Variants in HAPLN1 observed in about 807,000 individuals in gnomAD.
HAPLN1 encodes Cartilage link protein.
HAPLN1 carries 13 observed loss-of-function variants against 36.5 expected under a neutral mutation model. The ratio of observed to expected loss-of-function variants is 0.36; its 90% CI spans 0.23 to 0.57. HAPLN1 has a LOEUF of 0.57. Ranked by LOEUF, HAPLN1 falls within the 20% of genes least tolerant of loss-of-function variation. The pLI, the probability that HAPLN1 is intolerant of heterozygous loss-of-function variation, is 0.83. For missense variants in HAPLN1, 407 were observed against 439.7 expected, an observed-to-expected ratio of 0.93 and a Z score of 0.66; for synonymous variants, 202 against 169.8, an observed-to-expected ratio of 1.19 and a Z score of -1.48.
chr5:83,663,337 C>T (rs1161162275), intron 2 of HAPLN1, among the ~76,000 whole-genome samples: 2 of 152,136 alleles, frequency 1.3e-5, no homozygotes. Context: ...AAAAGTAATT[C>T]CACACATCAG....
chr5:83,660,597 C>T (rs1580130271), intron 2 of HAPLN1, among the ~76,000 whole-genome samples: 1 of 152,116 alleles, frequency 6.6e-6, no homozygotes, highest in Non-Finnish European at 1.5e-5. Flanking sequence ...ATTCTGTCTC[C>T]TCTTAATTCT....
chr5:83,682,934 C>G (rs182349339), intron 1 of HAPLN1, among the ~76,000 whole-genome samples: 4 of 152,152 alleles, frequency 2.6e-5, no homozygotes, highest in Admixed American at 6.5e-5. Flanking sequence ...CCTGAAAACA[C>G]ATAAAATCAT....
At chr5:83,674,781 A>T (rs1750821977) in intron 1 of HAPLN1, 1 of 152,294 alleles carries the variant, frequency 6.6e-6, no homozygotes, top group Admixed American at 6.5e-5. Flanking sequence ...TCCTTGTAGG[A>T]GAGCCTCTAC....
chr5:83,681,694 A>G (rs1751004835), intron 1 of HAPLN1, among the ~76,000 whole-genome samples: 1 of 152,102 alleles, frequency 6.6e-6, no homozygotes, highest in Non-Finnish European at 1.5e-5. Flanking sequence ...GACTTTTTGT[A>G]GAGAGGAGGT....
At chr5:83,657,690 T>C (rs1447243627) in intron 2 of HAPLN1, among the ~76,000 whole-genome samples, 1 of 152,120 alleles carries the variant, frequency 6.6e-6, no homozygotes, top group African/African-American at 2.4e-5. Flanking sequence ...AGTTTGTCTT[T>C]TTAAAATGAA....
At chr5:83,643,224 C>T (rs1296554827) in intron 4 of HAPLN1, among the ~76,000 whole-genome samples, 4 of 151,744 alleles carry the variant, frequency 2.6e-5, no homozygotes, top group East Asian at 1.9e-4. Flanking sequence ...TGGCATGCAC[C>T]ATGGTCCCAG....
intron 1 of HAPLN1, among the ~76,000 whole-genome samples, chr5:83,697,588 G>A (rs1235285571): frequency 6.6e-6 from 1 of 152,134 alleles, no homozygotes; most frequent in East Asian, 1.9e-4. Context: ...TATATGTTGA[G>A]CTCTTTGAGA....
rs1749607335 is a variant in HAPLN1 at position 83,639,158 on chromosome 5, C to A, written c.*2338G>T. 1 of 151,826 alleles carries A rather than the reference C, an allele frequency of 6.6e-6. No individual in the cohort carries two copies. Among genetic ancestry groups the A allele is most frequent in the African/African-American group, 2.4e-5 (1 of 41,372 alleles). The allele number at this position is 151,826 out of a possible 1,614,324, so 9.4% of individuals were successfully genotyped here. ...AAATAGACATTTGGTGGAAAAACAG[C>A]AAAATGAGAACATTAAAAAGACTCA... On this transcript the variant is annotated 3_prime_UTR_variant, in exon 5 of 5. Transcript: ENST00000274341.
chr5:83,658,642 G>C (rs919441275), intron 2 of HAPLN1, among the ~76,000 whole-genome samples: 1 of 152,034 alleles, frequency 6.6e-6, no homozygotes, highest in South Asian at 2.1e-4. Flanking sequence ...TCATTATTTT[G>C]TTTCCTTAAG....
At chr5:83,711,010 TA>T (rs1751770388) in intron 1 of HAPLN1, among the ~76,000 whole-genome samples, 1 of 151,770 alleles carries the variant, frequency 6.6e-6, no homozygotes, top group Non-Finnish European at 1.5e-5. Context: ...CAAGAGAGAA[TA>T]GATCTAATAA....
At chr5:83,653,747 C>T (rs564808219) in intron 2 of HAPLN1, among the ~76,000 whole-genome samples, 39 of 152,332 alleles carry the variant, frequency 2.6e-4, no homozygotes, top group Admixed American at 2.1e-3. Context: ...ATATCCTGAG[C>T]CTGCCAAGTC....
chr5:83,652,700 A>G lies in HAPLN1; in HGVS notation c.225T>C (p.His75=), dbSNP rs752039970. 46 of 1,614,120 alleles carry G rather than the reference A, an allele frequency of 2.8e-5. No individual in the cohort carries two copies. The highest frequency in any genetic ancestry group is 6.7e-5 in the Admixed American group (4 of 60,026). ...GCTTGGTCCACTTAATTCGGATTTT[A>G]TGGATTCCTGAGCCAAATGCTGTAG... ...RDPTAFGSGI[H]KIRIKWTKLT... Residue 75 remains histidine, a synonymous_variant, in exon 3 of 5, where the codon CAT becomes CAC. Transcript: ENST00000274341.
chr5:83,647,258 A>G (rs1170114855), intron 3 of HAPLN1, among the ~76,000 whole-genome samples: 1 of 152,206 alleles, frequency 6.6e-6, no homozygotes. Context: ...AGTGAAACTT[A>G]TGTTAATATT....
chr5:83,694,704 G>A (rs1479213722), intron 1 of HAPLN1, among the ~76,000 whole-genome samples: 1 of 151,936 alleles, frequency 6.6e-6, no homozygotes, highest in African/African-American at 2.4e-5. Flanking sequence ...CAAATAGCCT[G>A]AATGCCCTAT....
intron 3 of HAPLN1, 179 bp downstream of exon 3, chr5:83,652,274 T>A (rs1750086956): frequency 1.7e-6 from 1 of 593,336 alleles, no homozygotes; most frequent in East Asian, 2.9e-5. Flanking sequence ...TGTGTATGCA[T>A]TTCAAACATG....
At chr5:83,675,765 C>T (rs533989185) in intron 1 of HAPLN1, among the ~76,000 whole-genome samples, 29 of 152,226 alleles carry the variant, frequency 1.9e-4, no homozygotes, top group Non-Finnish European at 3.8e-4. Context: ...GTCTACTGTT[C>T]GCCAGCACTA....
At chr5:83,697,029 C>T (rs1390357016) in intron 1 of HAPLN1, among the ~76,000 whole-genome samples, 1 of 152,044 alleles carries the variant, frequency 6.6e-6, no homozygotes, top group African/African-American at 2.4e-5. Context: ...AACTGTGTAC[C>T]TATGAGCTGT....
At chr5:83,719,110 G>A (rs754089815) in intron 1 of HAPLN1, among the ~76,000 whole-genome samples, 5 of 152,216 alleles carry the variant, frequency 3.3e-5, no homozygotes, top group Non-Finnish European at 7.3e-5. Context: ...GGGATATAAT[G>A]AATTGATTCT....
intron 2 of HAPLN1, among the ~76,000 whole-genome samples, chr5:83,664,681 C>CA (rs938048156): frequency 6.6e-6 from 1 of 151,596 alleles, no homozygotes; most frequent in East Asian, 1.9e-4. Flanking sequence ...CTGTGTCTTC[C>CA]AAAAAAAACT....
Sources: allele counts gnomAD v4.1 joint callset (sites outside exome capture counted in the v4.1 genomes callset), GRCh38; gene constraint gnomAD v4.1.1; transcripts MANE v1.5; gene names NCBI Gene and HGNC (gene_info 2026-07-23, HGNC 2026-07-21).